MFSD11: variants seen among roughly 807,000 people sequenced by gnomAD.
MFSD11 encodes the protein UNC93-like protein MFSD11.
MFSD11 carries 36 observed loss-of-function variants against 53.5 expected under a neutral mutation model. The ratio of observed to expected loss-of-function variants is 0.67; its 90% CI spans 0.52 to 0.89. The LOEUF is 0.89. Ranked by LOEUF, MFSD11 falls within the 40% of genes least tolerant of loss-of-function variation. MFSD11 has a pLI of 0.00. For missense variants in MFSD11, 530 were observed against 543.9 expected (o/e 0.97, Z 0.25); for synonymous variants, 186 against 184.9 (o/e 1.01, Z -0.05).
downstream of MFSD11, among the ~76,000 whole-genome samples, chr17:76,785,248 AT>A (rs2082259100): frequency 6.6e-6 from 1 of 152,212 alleles, no homozygotes; most frequent in Non-Finnish European, 1.5e-5. Flanking sequence ...CATTTATTAT[AT>A]GAAGTACCTA....
At chr17:76,749,086 T>G (rs1206668467) in intron 7 of MFSD11, among the ~76,000 whole-genome samples, 1 of 152,228 alleles carries the variant, frequency 6.6e-6, no homozygotes, top group African/African-American at 2.4e-5. Flanking sequence ...ACTCATATAC[T>G]ATATAATTCA....
At chr17:76,793,893 G>A in the MFSD11 span, among the ~76,000 whole-genome samples, 1 of 151,244 alleles carries the variant, frequency 6.6e-6, no homozygotes, top group Non-Finnish European at 1.5e-5. Context: ...TGATGCATTG[G>A]GACAAAGATT....
rs570065940 is a variant in MFSD11, at chr17:76,776,032, C to G, written c.1050-374C>G. Among the ~76,000 whole-genome samples the G allele has an allele frequency of 5.5e-4, 84 of 152,254 alleles. No individual in the cohort carries two copies. The highest frequency in any genetic ancestry group is 2.0e-3 in the African/African-American group (83 of 41,548). On this transcript the variant is annotated intron_variant, in intron 11 of 12. Coordinates refer to ENST00000685175, the MANE Select transcript of MFSD11 (RefSeq NM_001242532.5). The surrounding 1 kb of genome is among the most constrained non-coding windows in gnomAD (Gnocchi z 4.2). ...TCACTCTGTCTGCCAGCCTAGAATG[C>G]AAGTGGCGTGATCTCCGCTCACTGC...
chr17:76,750,770 T>C (rs1391484216), intron 7 of MFSD11, among the ~76,000 whole-genome samples: 2 of 151,904 alleles, frequency 1.3e-5, no homozygotes, highest in Non-Finnish European at 2.9e-5. Context: ...TTTAGAGATA[T>C]AGGAGTAGAC....
chr17:76,738,383 A>G lies in MFSD11; in HGVS notation c.31A>G (p.Ile11Val). 1 of 1,614,120 alleles carries G rather than the reference A, an allele frequency of 6.2e-7. No individual in the cohort carries two copies. Among genetic ancestry groups the G allele is most frequent in the Non-Finnish European group, 8.5e-7 (1 of 1,179,980 alleles). MSPESKKLFN[I>V]IILGVAFMFM... ...CCCGGAATCTAAAAAGCTTTTCAAC[A>G]TCATTATTTTAGGAGTTGCCTTTAT... Residue 11 changes from isoleucine (I) to valine (V), a missense_variant, in exon 1 of 13, where the codon ATC becomes GTC. Transcript: ENST00000685175.
At chr17:76,769,104 C>T (rs1041714272) in intron 9 of MFSD11, 4 of 152,204 alleles carry the variant, frequency 2.6e-5, no homozygotes, top group African/African-American at 9.7e-5. Flanking sequence ...CCCATCTCCG[C>T]CTGCATGGAG....
intron 10 of MFSD11, among the ~76,000 whole-genome samples, chr17:76,774,442 C>A (rs1281668247): frequency 6.6e-6 from 1 of 152,136 alleles, no homozygotes; most frequent in African/African-American, 2.4e-5. Flanking sequence ...GGGTAGAAAT[C>A]ACTTAAAAAT....
downstream of MFSD11, among the ~76,000 whole-genome samples, chr17:76,782,316 C>T (rs1196178202): frequency 1.3e-5 from 2 of 151,864 alleles, no homozygotes; most frequent in East Asian, 1.9e-4. Flanking sequence ...GCTGGGATTA[C>T]AGGCATGTGC....
rs1241152233 is a variant in MFSD11, at chr17:76,756,375, C to T, written c.682+2288C>T. ...CTGACCTCAAGTGATCCACCCGCCT[C>T]GGCCTCCCAGAGTGCTGGGATTATA... On this transcript the variant is annotated intron_variant, in intron 8 of 12. Transcript: ENST00000685175. Among the ~76,000 whole-genome samples the T allele has an allele frequency of 5.9e-5, 9 of 151,798 alleles. No homozygotes were observed. The East Asian group carries it at 9.8e-4, about 17-fold the overall frequency.
intron 10 of MFSD11, among the ~76,000 whole-genome samples, chr17:76,771,191 G>A (rs1476417790): frequency 1.3e-5 from 2 of 152,186 alleles, no homozygotes; most frequent in Non-Finnish European, 2.9e-5. Context: ...TCTATCCTAG[G>A]CCAACCCCTC....
chr17:76,755,783 T>TATACATAC lies in MFSD11; in HGVS notation c.682+1696_682+1697insATACATAC, dbSNP rs1205923504. 2.1e-4 allele frequency among the ~76,000 whole-genome samples: 4 copies of TATACATAC among 18,892 alleles called. No individual in the cohort carries two copies. In the East Asian group the frequency reaches 9.0e-3, roughly 43 times the overall value. 12.4% of individuals were successfully genotyped at this position (18,892 alleles called of 152,430 possible). On this transcript the variant is annotated intron_variant, in intron 8 of 12. Transcript: ENST00000685175. ...GTATATATGTACGTGTGTGTGTGTGTGTGTATACATATATATATATATATA... is the reference window on the plus strand; with the variant it reads ...GTATATATGTACGTGTGTGTGTGTGTATACATACGTGTATACATATATATATATATATA...
At chr17:76,737,134 A>G, upstream of MFSD11, 1 of 1,594,588 alleles carries the variant, frequency 6.3e-7, no homozygotes, top group Admixed American at 1.7e-5. Context: ...TACCCTCCAC[A>G]TCGGGAGGGG....
rs1272134013 is a variant in MFSD11 at position 76,774,983 on chromosome 17, A to G, written c.875-14A>G. 6.2e-7 allele frequency: 1 copy of G among 1,610,844 alleles called. No homozygotes were observed. Among genetic ancestry groups the G allele is most frequent in the South Asian group, 1.1e-5 (1 of 90,674 alleles). ...CGGCAACATTAGTGACGTTTCTGCC[A>G]TCTTGACTTATAGGTGGAAGCCTCT... On this transcript the variant is annotated splice_polypyrimidine_tract_variant and intron_variant, in intron 10 of 12. Transcript: ENST00000685175.
At chr17:76,744,067 C>T (rs528692338) in intron 6 of MFSD11, among the ~76,000 whole-genome samples, 1 of 152,308 alleles carries the variant, frequency 6.6e-6, no homozygotes, top group Admixed American at 6.5e-5. Context: ...CAGTTGTTTT[C>T]TCTGGACCCT....
At chr17:76,738,622 A>G in intron 1 of MFSD11, 174 bp downstream of exon 1, 1 of 616,922 alleles carries the variant, frequency 1.6e-6, no homozygotes, top group Non-Finnish European at 2.8e-6. Flanking sequence ...GACATTTCTC[A>G]TGGGGGCGTT....
the MFSD11 span, among the ~76,000 whole-genome samples, chr17:76,795,333 A>AAG: frequency 1.3e-5 from 2 of 150,858 alleles, no homozygotes; most frequent in African/African-American, 4.9e-5. Flanking sequence ...AAAAAAAAAA[A>AAG]AAAAAATTAG....
chr17:76,788,131 C>T, the MFSD11 span, among the ~76,000 whole-genome samples: 1 of 148,802 alleles, frequency 6.7e-6, no homozygotes, highest in East Asian at 2.0e-4. Flanking sequence ...AGCTCCGCCT[C>T]CTGGGTTCAA....
chr17:76,760,560 C>T (rs545499636), intron 8 of MFSD11, among the ~76,000 whole-genome samples: 8 of 151,220 alleles, frequency 5.3e-5, no homozygotes, highest in African/African-American at 1.2e-4. Flanking sequence ...TCGGGAGTTT[C>T]GCTCTTGTCA....
At chr17:76,794,529 C>T in the MFSD11 span, among the ~76,000 whole-genome samples, 16 of 146,650 alleles carry the variant, frequency 1.1e-4, no homozygotes, top group Non-Finnish European at 1.6e-4. Context: ...GTAATCCCAG[C>T]TATTTAGGAG....
Sources: gnomAD v4.1 joint callset for allele counts (sites outside exome capture counted in the v4.1 genomes callset) on GRCh38, gnomAD v4.1.1 for gene constraint, Gnocchi (gnomAD v3.1) non-coding constraint, MANE v1.5 for transcripts, NCBI Gene and HGNC (gene_info 2026-07-23, HGNC 2026-07-21) for gene names.